Variants in CAPN11 observed in about 807,000 individuals in gnomAD.
The protein encoded by CAPN11 is calpain-11.
In CAPN11, 108 loss-of-function variants were observed where a neutral mutation model predicts 105.3. That is an observed-to-expected ratio of 1.03 (90% CI 0.88 to 1.20). The LOEUF is 1.20. Among genes scored for constraint, CAPN11 ranks in the 50% most tolerant of loss-of-function variants. The pLI is 0.00. For synonymous variants in CAPN11, 329 were observed against 344.5 expected, an observed-to-expected ratio of 0.96 and a Z score of 0.50; for missense variants, 883 against 924.8, an observed-to-expected ratio of 0.95 and a Z score of 0.59.
chr6:44,169,814 C>T, intron 3 of CAPN11, 92 bp from the exon 4 acceptor site: 1 of 1,042,028 alleles, frequency 9.6e-7, no homozygotes, highest in Non-Finnish European at 1.5e-6. Flanking sequence ...TCCCCTGGAA[C>T]TTCAAGGTGG....
intron 19 of CAPN11, among the ~76,000 whole-genome samples, chr6:44,182,709 GATTAC>G (rs1561856285): frequency 6.6e-6 from 1 of 152,094 alleles, no homozygotes; most frequent in Non-Finnish European, 1.5e-5. Flanking sequence ...GACTAGCTGG[GATTAC>G]AGGCATGCAC....
intron 1 of CAPN11, chr6:44,162,030 AC>A (rs1355142380): frequency 2.6e-6 from 1 of 390,412 alleles, no homozygotes; most frequent in Non-Finnish European, 5.3e-6. Context: ...GCCTCTACTT[AC>A]TAGATGCCAG....
At chr6:44,174,545 G>T (rs1771611718) in intron 7 of CAPN11, among the ~76,000 whole-genome samples, 1 of 136,150 alleles carries the variant, frequency 7.3e-6, no homozygotes. Flanking sequence ...AAATTAATTA[G>T]CTGAGAAAAA....
At chr6:44,165,781 G>A (rs1445584750) in intron 1 of CAPN11, among the ~76,000 whole-genome samples, 1 of 152,156 alleles carries the variant, frequency 6.6e-6, no homozygotes, top group Non-Finnish European at 1.5e-5. Context: ...AGGGGGCTCT[G>A]GGGGCTGGCC....
At chr6:44,166,685 C>T (rs1769920597) in intron 1 of CAPN11, 73 bp from the exon 2 acceptor site, 2 of 1,143,110 alleles carry the variant, frequency 1.7e-6, no homozygotes, top group Non-Finnish European at 2.6e-6. Context: ...TTCCTACACC[C>T]CAGCCCCAGC....
At chr6:44,168,703 T>A (rs1291524538) in intron 2 of CAPN11, among the ~76,000 whole-genome samples, 5 of 152,064 alleles carry the variant, frequency 3.3e-5, no homozygotes, top group Non-Finnish European at 7.4e-5. Context: ...GCTCTGCACC[T>A]CCGCCTCCTG....
At chr6:44,162,951 TAG>T (rs1769165351) in intron 1 of CAPN11, among the ~76,000 whole-genome samples, 1 of 152,132 alleles carries the variant, frequency 6.6e-6, no homozygotes, top group African/African-American at 2.4e-5. Flanking sequence ...GTAATATCAC[TAG>T]TATCATTAAA....
At chr6:44,183,353 A>G (rs1383601606) in intron 21 of CAPN11, 118 bp downstream of exon 21, 1 of 699,390 alleles carries the variant, frequency 1.4e-6, no homozygotes, top group African/African-American at 1.8e-5. Flanking sequence ...CACACATGAA[A>G]TGGATTCAAA....
chr6:44,183,641 A>C, intron 21 of CAPN11, 64 bp from the exon 22 acceptor site: 1 of 1,482,752 alleles, frequency 6.7e-7, no homozygotes, highest in Non-Finnish European at 9.4e-7. Context: ...CCTAGTTGGG[A>C]GTGGTTCTTT....
Position 44,183,219 on chromosome 6 carries a change from G to A in CAPN11, c.2118G>A (p.Arg706=), listed in dbSNP as rs777058018. 6.2e-7 allele frequency: 1 copy of A among 1,610,020 alleles called. No individual in the cohort carries two copies. The highest frequency in any genetic ancestry group is 8.5e-7 in the Non-Finnish European group (1 of 1,176,308). ...DFDSFISCFL[R]LKTMFTFFLT... ...ACAGCTTCATCAGCTGTTTCCTGAG[G>A]CTAAAGACCATGTTCAGTGAGTTAG... Residue 706 remains arginine, a synonymous_variant, in exon 21 of 23, where the codon AGG becomes AGA. Coordinates refer to ENST00000398776, the MANE Select transcript of CAPN11 (RefSeq NM_007058.4).
At chr6:44,178,312 C>T (rs976966956) in intron 12 of CAPN11, among the ~76,000 whole-genome samples, 13 of 152,156 alleles carry the variant, frequency 8.5e-5, no homozygotes, top group Admixed American at 2.6e-4. Flanking sequence ...CTTCTCCACA[C>T]GCCCCGCCCG....
chr6:44,162,009 C>A, intron 1 of CAPN11: 1 of 420,926 alleles, frequency 2.4e-6, no homozygotes, highest in South Asian at 1.7e-5. Flanking sequence ...GGGCGCCCAG[C>A]AGCATCCCTG....
chr6:44,172,460 G>A, intron 5 of CAPN11, 40 bp downstream of exon 5: 1 of 1,250,034 alleles, frequency 8.0e-7, no homozygotes, highest in Non-Finnish European at 1.1e-6. Context: ...TTTGTTGGGG[G>A]CGGGGGAAGA....
Position 44,158,872 on chromosome 6 carries a change from C to G in CAPN11, c.16+8C>G, listed in dbSNP as rs1296795300. Reference sequence around the variant, plus strand: ...GCATGCTGTACTCCCCAGGTAGGCACTCATGGGGCCTTGCCCCACTCCTGT... The same window carrying G: ...GCATGCTGTACTCCCCAGGTAGGCAGTCATGGGGCCTTGCCCCACTCCTGT... On this transcript the variant is annotated splice_region_variant and intron_variant, in intron 1 of 22. Transcript: ENST00000398776. 2 of 1,550,826 alleles carry G rather than the reference C, an allele frequency of 1.3e-6. No individual in the cohort carries two copies. The highest frequency in any genetic ancestry group is 1.7e-6 in the Non-Finnish European group (2 of 1,146,382).
At chr6:44,171,896 T>C (rs1771069623) in intron 4 of CAPN11, among the ~76,000 whole-genome samples, 1 of 152,066 alleles carries the variant, frequency 6.6e-6, no homozygotes, top group South Asian at 2.1e-4. Flanking sequence ...TGAAACCCCA[T>C]CTCTACTAAA....
chr6:44,176,766 G>A, intron 10 of CAPN11, 72 bp from the exon 11 acceptor site: 1 of 1,588,302 alleles, frequency 6.3e-7, no homozygotes, highest in Non-Finnish European at 8.6e-7. Flanking sequence ...GTGGTTGTGG[G>A]GGGTGGTTCA....
chr6:44,158,891 C>T, intron 1 of CAPN11, 27 bp downstream of exon 1: 1 of 1,542,526 alleles, frequency 6.5e-7, no homozygotes, highest in Non-Finnish European at 8.8e-7. Context: ...CCTTGCCCCA[C>T]TCCTGTACCT....
At chr6:44,161,746 C>G (rs1237834007) in intron 1 of CAPN11, 1 of 455,764 alleles carries the variant, frequency 2.2e-6, no homozygotes, top group Non-Finnish European at 4.4e-6. Flanking sequence ...CTCTGATGTT[C>G]TTTCAGTCTT....
intron 19 of CAPN11, among the ~76,000 whole-genome samples, chr6:44,181,537 T>A (rs866861153): frequency 0.025 from 67 of 2,720 alleles, no homozygotes; most frequent in Admixed American, 0.035. Flanking sequence ...CACACCACAC[T>A]CACACACACA....
Sources: gnomAD v4.1 joint callset for allele counts (sites outside exome capture counted in the v4.1 genomes callset) on GRCh38, gnomAD v4.1.1 for gene constraint, MANE v1.5 for transcripts, NCBI Gene and HGNC (gene_info 2026-07-23, HGNC 2026-07-21) for gene names.